SYCP1: variants seen among roughly 807,000 people sequenced by gnomAD.
The protein encoded by SYCP1 is cancer/testis antigen 8.
SYCP1 carries 64 observed loss-of-function variants against 153.1 expected under a neutral mutation model. The ratio of observed to expected loss-of-function variants is 0.42; its 90% confidence interval spans 0.34 to 0.51. SYCP1 has a LOEUF of 0.51. Ranked by LOEUF, SYCP1 falls within the 20% of genes least tolerant of loss-of-function variation. The pLI is 0.06. For missense variants in SYCP1, 997 were observed against 1,049.0 expected (o/e 0.95, Z 0.68); for synonymous variants, 384 against 341.8 (o/e 1.12, Z -1.36).
intron 27 of SYCP1, among the ~76,000 whole-genome samples, chr1:114,973,945 A>G (rs1314391416): frequency 6.6e-6 from 1 of 151,894 alleles, no homozygotes; most frequent in East Asian, 1.9e-4. Context: ...TTTGATGAAT[A>G]CTATTTGTTG....
chr1:114,949,598 G>T (rs1390794083), intron 27 of SYCP1, among the ~76,000 whole-genome samples: 2 of 152,138 alleles, frequency 1.3e-5, no homozygotes, highest in South Asian at 2.1e-4. Flanking sequence ...GATATGTGAG[G>T]CCCATGGGGT....
At chr1:114,923,566 T>C in intron 21 of SYCP1, 36 bp downstream of exon 21, 2 of 1,516,224 alleles carry the variant, frequency 1.3e-6, no homozygotes, top group Non-Finnish European at 1.8e-6. Flanking sequence ...TATCACAAAA[T>C]TTCAAATTAT....
chr1:114,957,686 A>G (rs1008976561), intron 27 of SYCP1, among the ~76,000 whole-genome samples: 6 of 152,250 alleles, frequency 3.9e-5, no homozygotes, highest in Non-Finnish European at 8.8e-5. Context: ...AAACATGCTC[A>G]ACATCACTAA....
intron 29 of SYCP1, 32 bp from the exon 30 acceptor site, chr1:114,984,693 A>C (rs1413147570): frequency 4.6e-6 from 6 of 1,308,784 alleles, no homozygotes; most frequent in Non-Finnish European, 5.9e-6. Context: ...TTTATTTGAT[A>C]TGATAATGTA....
At chr1:114,893,719 A>G (rs1666883300) in intron 15 of SYCP1, among the ~76,000 whole-genome samples, 1 of 152,022 alleles carries the variant, frequency 6.6e-6, no homozygotes, top group African/African-American at 2.4e-5. Flanking sequence ...CCACTTGTGT[A>G]TTACAATCTA....
At chr1:114,936,428 A>T (rs1670019477) in intron 23 of SYCP1, among the ~76,000 whole-genome samples, 1 of 152,182 alleles carries the variant, frequency 6.6e-6, no homozygotes, top group Non-Finnish European at 1.5e-5. Flanking sequence ...TATTTATGAC[A>T]AACCCACAGC....
intron 9 of SYCP1, among the ~76,000 whole-genome samples, chr1:114,875,649 A>G (rs1665476443): frequency 6.6e-6 from 1 of 152,196 alleles, no homozygotes. Flanking sequence ...CTGATTTTAC[A>G]AAGCAAGATT....
chr1:114,985,447 G>T (rs1010089631), intron 30 of SYCP1, among the ~76,000 whole-genome samples: 1 of 151,842 alleles, frequency 6.6e-6, no homozygotes, highest in East Asian at 1.9e-4. Flanking sequence ...CATAATAATG[G>T]TTTATTGAGA....
At chr1:114,958,898 C>G (rs1380740487) in intron 27 of SYCP1, among the ~76,000 whole-genome samples, 1 of 150,198 alleles carries the variant, frequency 6.7e-6, no homozygotes, top group African/African-American at 2.5e-5. Context: ...CCACTGCACT[C>G]CAGCCTGGGC....
In SYCP1 at chr1:114,995,179, C is replaced by G. The variant is rs1265061140; in HGVS notation, c.*160C>G. On this transcript the variant is annotated 3_prime_UTR_variant, in exon 32 of 32. Coordinates refer to ENST00000369522, the MANE Select transcript of SYCP1 (RefSeq NM_003176.4). ...TTTATATTTTTAGCCTAAATGTTAA[C>G]TACATATTGTCTGGAAACCTGTCAT... is the stretch of plus-strand genomic sequence containing the variant. The G allele has an allele frequency of 1.4e-5, 9 of 628,610 alleles. No homozygotes were observed. In the Admixed American group the frequency reaches 2.1e-4, roughly 15 times the overall value. The allele number at this position is 628,610 out of a possible 1,614,324, so 38.9% of individuals were successfully genotyped here.
chr1:114,977,232 C>G (rs1177024713), intron 27 of SYCP1, among the ~76,000 whole-genome samples: 1 of 151,682 alleles, frequency 6.6e-6, no homozygotes. Flanking sequence ...AGCTTAGTTA[C>G]TTGTGCGTAT....
chr1:114,930,132 T>C (rs1669528429), intron 23 of SYCP1, among the ~76,000 whole-genome samples: 1 of 152,018 alleles, frequency 6.6e-6, no homozygotes, highest in African/African-American at 2.4e-5. Flanking sequence ...TGATAAATTA[T>C]TTTAAACGGA....
chr1:114,946,420 A>G (rs1382855332), intron 26 of SYCP1, 39 bp downstream of exon 26: 4 of 1,306,306 alleles, frequency 3.1e-6, no homozygotes, highest in Non-Finnish European at 1.1e-6. Context: ...GCCAGTTTTC[A>G]TAATGTCAGC....
chr1:114,911,182 T>C (rs528149361), intron 17 of SYCP1, among the ~76,000 whole-genome samples: 1 of 152,008 alleles, frequency 6.6e-6, no homozygotes, highest in African/African-American at 2.4e-5. Flanking sequence ...TTCTCCTTGA[T>C]AATATAACAT....
intron 23 of SYCP1, among the ~76,000 whole-genome samples, chr1:114,930,157 A>T (rs932994816): frequency 3.3e-5 from 5 of 152,040 alleles, no homozygotes; most frequent in Non-Finnish European, 5.9e-5. Flanking sequence ...TGAGATAGAC[A>T]TAAAACATAA....
At chr1:114,985,272 C>T (rs1379246409) in intron 30 of SYCP1, among the ~76,000 whole-genome samples, 1 of 151,912 alleles carries the variant, frequency 6.6e-6, no homozygotes, top group Non-Finnish European at 1.5e-5. Context: ...GCTCCTTTTA[C>T]ATCACTGGTT....
chr1:114,926,464 C>G, intron 22 of SYCP1, 37 bp from the exon 23 acceptor site: 1 of 1,508,612 alleles, frequency 6.6e-7, no homozygotes, highest in East Asian at 2.5e-5. Context: ...GTTTGAATAA[C>G]TTTAGTACTA....
intron 23 of SYCP1, 22 bp from the exon 24 acceptor site, chr1:114,944,317 T>C: frequency 7.6e-7 from 1 of 1,314,032 alleles, no homozygotes; most frequent in South Asian, 1.3e-5. Context: ...CTAATATTCA[T>C]GCTATTTTTC....
intron 23 of SYCP1, among the ~76,000 whole-genome samples, chr1:114,943,503 A>C (rs987720715): frequency 1.3e-5 from 2 of 151,936 alleles, no homozygotes; most frequent in African/African-American, 4.8e-5. Flanking sequence ...TACTATGAAA[A>C]CATTTATATG....
Sources: allele counts gnomAD v4.1 joint callset (sites outside exome capture counted in the v4.1 genomes callset), GRCh38; gene constraint gnomAD v4.1.1; transcripts MANE v1.5; gene names NCBI Gene and HGNC (gene_info 2026-07-23, HGNC 2026-07-21).